Variants in CORIN observed in about 807,000 individuals in gnomAD.
CORIN encodes corin, serine peptidase, also known as atrial natriuretic peptide-converting enzyme.
CORIN carries 117 observed loss-of-function variants against 125.3 expected under a neutral mutation model. The observed-to-expected ratio is 0.93, with a 90% CI of 0.80 to 1.09. The LOEUF (loss-of-function observed/expected upper bound fraction) is 1.09, where lower values mean the gene tolerates loss of function less well. Among genes scored for constraint, CORIN ranks in the 50% least tolerant of loss-of-function variants. The pLI, the probability that CORIN is intolerant of heterozygous loss-of-function variation, is 0.00. For synonymous variants in CORIN, 450 were observed against 466.4 expected, an observed-to-expected ratio of 0.96 and a Z score of 0.45; for missense variants, 1,253 against 1,306.7, an observed-to-expected ratio of 0.96 and a Z score of 0.63.
chr4:47,645,131 A>T lies in CORIN; in HGVS notation c.1907T>A (p.Ile636Asn), dbSNP rs1245729807. Residue 636 changes from isoleucine (I) to asparagine (N), a missense_variant, in exon 14 of 22, where the codon ATC becomes AAC. Ile to Asn is a moderately radical substitution (Grantham distance 149). Transcript: ENST00000273857. ...SNKQCLKHTV[I>N]CDGFPDCPDY... ...AGGGCAGTCTGGGAACCCATCGCAG[A>T]TCACTGTGTGCTTCAAACATTGTTT... 1 of 1,613,400 alleles carries T rather than the reference A, an allele frequency of 6.2e-7. No individual in the cohort carries two copies. Among genetic ancestry groups the T allele is most frequent in the Non-Finnish European group, 8.5e-7 (1 of 1,179,636 alleles).
intron 1 of CORIN, among the ~76,000 whole-genome samples, chr4:47,811,214 G>A (rs1400549884): frequency 6.6e-6 from 1 of 152,050 alleles, no homozygotes; most frequent in Non-Finnish European, 1.5e-5. Context: ...TGCATGATGA[G>A]AAAAAACAAC....
intron 21 of CORIN, among the ~76,000 whole-genome samples, chr4:47,596,301 T>C (rs1258885033): frequency 6.6e-6 from 1 of 151,462 alleles, no homozygotes; most frequent in Non-Finnish European, 1.5e-5. Context: ...GGAATAAAGA[T>C]CCCCCCCACA....
chr4:47,774,202 G>A (rs1044074500), intron 3 of CORIN, among the ~76,000 whole-genome samples: 4 of 152,136 alleles, frequency 2.6e-5, no homozygotes, highest in African/African-American at 7.2e-5. Context: ...GGCAGCGGTG[G>A]CCCATCTGGA....
intron 7 of CORIN, 45 bp from the exon 8 acceptor site, chr4:47,680,296 T>C (rs1176193288): frequency 2.2e-6 from 3 of 1,392,598 alleles, no homozygotes; most frequent in African/African-American, 2.8e-5. Flanking sequence ...CCAGCATGAC[T>C]AACAGGCAGG....
chr4:47,799,865 G>A (rs1451077862), intron 2 of CORIN, among the ~76,000 whole-genome samples: 1 of 152,040 alleles, frequency 6.6e-6, no homozygotes, highest in East Asian at 1.9e-4. Context: ...TCTATCAATT[G>A]ACAAATGGAT....
chr4:47,744,553 A>T lies in CORIN; in HGVS notation c.648T>A (p.Cys216Ter). 1 of 1,612,698 alleles carries T rather than the reference A, an allele frequency of 6.2e-7. No individual in the cohort carries two copies. The highest frequency in any genetic ancestry group is 8.5e-7 in the Non-Finnish European group (1 of 1,179,422). ...SHGLLPCRSF[C>*]EAAKEGCESV... ...ATTCACAGCCTTCTTTTGCAGCCTC[A>T]CAGAAGGACCTACAGGGCAGGAGTC... is the stretch of plus-strand genomic sequence containing the variant. Residue 216 changes from cysteine (C) to a stop codon, truncating the protein, a stop_gained, in exon 5 of 22, where the codon TGT becomes TGA. Transcript: ENST00000273857. LOFTEE classifies it high-confidence loss of function.
At chr4:47,673,413 A>G (rs1724862140) in intron 10 of CORIN, among the ~76,000 whole-genome samples, 1 of 151,772 alleles carries the variant, frequency 6.6e-6, no homozygotes, top group African/African-American at 2.4e-5. Flanking sequence ...TTGCCAACTG[A>G]AAACTGACTG....
chr4:47,701,945 T>C (rs1365358509), intron 5 of CORIN, among the ~76,000 whole-genome samples: 2 of 152,124 alleles, frequency 1.3e-5, no homozygotes, highest in African/African-American at 4.8e-5. Context: ...TGCAGTAACA[T>C]AATTTCAAAT....
At chr4:47,780,698 T>C (rs183170168) in intron 3 of CORIN, among the ~76,000 whole-genome samples, 7 of 152,248 alleles carry the variant, frequency 4.6e-5, no homozygotes, top group Admixed American at 4.6e-4. Flanking sequence ...GCAGAATCTG[T>C]CTGATATAAC....
In CORIN at chr4:47,750,354, T is replaced by C. The variant is rs1015625950; in HGVS notation, c.618-5771A>G. Reference sequence around the variant, plus strand: ...TGGAAGCATTTGTGGTATTTTTTGGTCACATTGGTCTGACTCTAAAATCCA... The same window carrying C: ...TGGAAGCATTTGTGGTATTTTTTGGCCACATTGGTCTGACTCTAAAATCCA... On this transcript the variant is annotated intron_variant, in intron 4 of 21. Transcript: ENST00000273857. Among the ~76,000 whole-genome samples, 4 of 152,202 alleles carry C rather than the reference T, an allele frequency of 2.6e-5. No homozygotes were observed. The East Asian group carries it at 7.7e-4, about 29-fold the overall frequency.
intron 1 of CORIN, chr4:47,837,411 C>T (rs1733493707): frequency 4.1e-6 from 1 of 243,696 alleles, no homozygotes; most frequent in African/African-American, 2.4e-5. Flanking sequence ...TCCCTCCAGC[C>T]ACCCGGCGCC....
At chr4:47,663,831 G>A (rs1162589040) in intron 11 of CORIN, among the ~76,000 whole-genome samples, 2 of 152,076 alleles carry the variant, frequency 1.3e-5, no homozygotes, top group African/African-American at 4.8e-5. Context: ...ACTTTTAAAA[G>A]TACTTAGCAG....
intron 6 of CORIN, among the ~76,000 whole-genome samples, chr4:47,687,433 C>T (rs1300483432): frequency 6.6e-6 from 1 of 152,120 alleles, no homozygotes; most frequent in Non-Finnish European, 1.5e-5. Flanking sequence ...TTTTGCATGG[C>T]CTAAGGTAGA....
intron 1 of CORIN, among the ~76,000 whole-genome samples, chr4:47,808,534 T>A (rs567845545): frequency 6.6e-6 from 1 of 152,358 alleles, no homozygotes; most frequent in Non-Finnish European, 1.5e-5. Context: ...TGACACCTTC[T>A]GTAATTTTAA....
rs147292219 is a variant in CORIN, at chr4:47,641,981, C to T, written c.2137G>A (p.Val713Met). The T allele has an allele frequency of 7.4e-6, 12 of 1,613,594 alleles. No homozygotes were observed. Among genetic ancestry groups the T allele is most frequent in the South Asian group, 1.1e-5 (1 of 91,070 alleles). Residue 713 changes from valine (V) to methionine (M), a missense_variant, in exon 16 of 22, where the codon GTG (valine) becomes ATG (methionine). Val to Met is a conservative substitution (Grantham distance 21). Transcript: ENST00000273857. ...MVHRAATEHH[V>M]CADGWQEILS... ...ATCTCCTGCCAGCCATCTGCACACA[C>T]ATGGTGTTCTGTGGCAGCTCTGTGA...
At chr4:47,730,472 CAAAAAAAAAAAAA>C (rs71199996) in intron 5 of CORIN, among the ~76,000 whole-genome samples, 5 of 66,030 alleles carry the variant, frequency 7.6e-5, no homozygotes, top group African/African-American at 2.0e-4. Flanking sequence ...GACTCCATCT[CAAAAAAAAAAAAA>C]AAAAAAAAAA....
intron 20 of CORIN, among the ~76,000 whole-genome samples, chr4:47,602,606 A>T (rs1342672168): frequency 6.6e-6 from 1 of 152,108 alleles, no homozygotes; most frequent in Non-Finnish European, 1.5e-5. Context: ...GCAGATAGAG[A>T]GAGTCCAAAG....
Position 47,728,422 on chromosome 4 carries a change from C to A in CORIN, c.799+15980G>T, listed in dbSNP as rs371057129. Among the ~76,000 whole-genome samples, 130 of 152,078 alleles carry A rather than the reference C, an allele frequency of 8.5e-4. 3 individuals are homozygous for A. In the South Asian group the frequency reaches 0.025, roughly 29 times the overall value. On this transcript the variant is annotated intron_variant, in intron 5 of 21. Coordinates refer to ENST00000273857, the MANE Select transcript of CORIN (RefSeq NM_006587.4). ...TTTCTGCTATGTGAAAGAAAAAAAA[C>A]CAGCATTTTGTTTTTCATTTACCTG... is the stretch of plus-strand genomic sequence containing the variant.
chr4:47,826,612 C>T (rs1242690718), intron 1 of CORIN, among the ~76,000 whole-genome samples: 1 of 152,206 alleles, frequency 6.6e-6, no homozygotes, highest in African/African-American at 2.4e-5. Flanking sequence ...TGATTCTGAC[C>T]TTTCTGCCTC....
Sources: allele counts gnomAD v4.1 joint callset (sites outside exome capture counted in the v4.1 genomes callset), GRCh38; gene constraint gnomAD v4.1.1; transcripts MANE v1.5; gene names NCBI Gene and HGNC (gene_info 2026-07-23, HGNC 2026-07-21).